RARB: variants seen among roughly 807,000 people sequenced by gnomAD.
RARB encodes retinoic acid receptor beta.
A neutral mutation model predicts 51.9 loss-of-function variants in RARB; 17 were observed. That is an observed-to-expected ratio of 0.33 (90% CI 0.22 to 0.49). The LOEUF (loss-of-function observed/expected upper bound fraction) is 0.49, where lower values mean the gene tolerates loss of function less well. RARB is among the 20% of genes least tolerant of loss of function. The pLI is 0.99. For missense variants in RARB, 369 were observed against 550.8 expected (o/e 0.67, Z 3.30); for synonymous variants, 215 against 195.4 (o/e 1.10, Z -0.84).
At chr3:24,862,856 T>A (rs1425451668) in intron 2 of RARB, among the ~76,000 whole-genome samples, 1 of 152,150 alleles carries the variant, frequency 6.6e-6, no homozygotes, top group Non-Finnish European at 1.5e-5. Context: ...ATCAACTAAA[T>A]TTATAGAGTG....
chr3:25,457,615 G>A (rs575910923), intron 1 of RARB, among the ~76,000 whole-genome samples: 5 of 152,132 alleles, frequency 3.3e-5, no homozygotes, highest in Non-Finnish European at 5.9e-5. Context: ...TAGACTTCCC[G>A]TTTTTTGTGT....
At position 25,405,093 on chromosome 3, in the gene RARB, G is replaced by A. The variant is rs190901748; in HGVS notation, c.179-56100G>A. On this transcript the variant is annotated intron_variant, in intron 5 of 11. Transcript: ENST00000383772. ...TGTCTCTGTTTGCTCCATGAGATGC[G>A]ATCCCTGAGAGGCCAAAGCTATTTT... Among the ~76,000 whole-genome samples, 86 of 152,236 alleles carry A rather than the reference G, an allele frequency of 5.6e-4. 1 individual carries two copies. The highest frequency in any genetic ancestry group is 5.6e-3 in the Admixed American group (86 of 15,264).
chr3:25,150,793 C>T (rs1212394548), intron 4 of RARB, among the ~76,000 whole-genome samples: 1 of 152,194 alleles, frequency 6.6e-6, no homozygotes, highest in African/African-American at 2.4e-5. Flanking sequence ...AGAATCCAGC[C>T]TTCTAGTAGT....
At chr3:24,925,655 T>TTTA (rs775570019) in intron 2 of RARB, among the ~76,000 whole-genome samples, 3 of 104,800 alleles carry the variant, frequency 2.9e-5, no homozygotes, top group African/African-American at 7.9e-5. Context: ...TTTTTTTTTT[T>TTTA]AAAAAAAAAA....
intron 3 of RARB, among the ~76,000 whole-genome samples, chr3:25,540,735 G>A (rs1699343122): frequency 6.6e-6 from 1 of 152,196 alleles, no homozygotes; most frequent in Non-Finnish European, 1.5e-5. Flanking sequence ...GAGTGAGAGA[G>A]AGATCATAAC....
At chr3:25,099,180 C>T (rs1699353780) in intron 3 of RARB, among the ~76,000 whole-genome samples, 1 of 152,148 alleles carries the variant, frequency 6.6e-6, no homozygotes, top group African/African-American at 2.4e-5. Flanking sequence ...TCCCAAAGCC[C>T]TTGGCTTTAA....
intron 2 of RARB, among the ~76,000 whole-genome samples, chr3:24,878,320 T>C (rs1450875756): frequency 2.0e-5 from 3 of 152,120 alleles, no homozygotes; most frequent in Non-Finnish European, 2.9e-5. Flanking sequence ...GATTTTGTTT[T>C]TGAAGTTTTC....
At chr3:25,424,044 G>T (rs1707925481), upstream of RARB, among the ~76,000 whole-genome samples, 1 of 152,230 alleles carries the variant, frequency 6.6e-6, no homozygotes. Flanking sequence ...TGTCTTGGGA[G>T]AACAATATTT....
At chr3:25,413,797 A>G (rs1707630506) in intron 5 of RARB, among the ~76,000 whole-genome samples, 1 of 152,194 alleles carries the variant, frequency 6.6e-6, no homozygotes, top group African/African-American at 2.4e-5. Flanking sequence ...TTGAGCTGCA[A>G]CACACTGGCA....
chr3:25,088,289 A>G (rs774316660), intron 3 of RARB, among the ~76,000 whole-genome samples: 3 of 152,100 alleles, frequency 2.0e-5, no homozygotes, highest in Non-Finnish European at 4.4e-5. Flanking sequence ...TCATAAATCA[A>G]CTAAACTTTA....
intron 5 of RARB, among the ~76,000 whole-genome samples, chr3:25,316,166 C>T (rs992650579): frequency 9.9e-5 from 15 of 152,178 alleles, no homozygotes; most frequent in African/African-American, 3.4e-4. Flanking sequence ...TTGTTAAGCC[C>T]ACAGGTTGAT....
intron 3 of RARB, among the ~76,000 whole-genome samples, chr3:25,088,784 A>G (rs955891650): frequency 1.2e-4 from 19 of 152,124 alleles, no homozygotes; most frequent in African/African-American, 4.6e-4. Flanking sequence ...AGTTATTAGT[A>G]TTGAAAAGCC....
chr3:25,292,370 C>T (rs1159395310), intron 5 of RARB, among the ~76,000 whole-genome samples: 1 of 152,102 alleles, frequency 6.6e-6, no homozygotes, highest in Admixed American at 6.6e-5. Context: ...GTGGGGCACA[C>T]ACAGCATTTT....
intron 2 of RARB, among the ~76,000 whole-genome samples, chr3:24,969,037 C>T (rs1696337835): frequency 6.6e-6 from 1 of 151,822 alleles, no homozygotes; most frequent in African/African-American, 2.4e-5. Flanking sequence ...CTGCTAGGCA[C>T]AGGATAGAAA....
At chr3:25,216,844 A>G (rs1701846088) in intron 5 of RARB, among the ~76,000 whole-genome samples, 1 of 151,796 alleles carries the variant, frequency 6.6e-6, no homozygotes, top group Non-Finnish European at 1.5e-5. Flanking sequence ...ATTGCAATTT[A>G]TTTGTTGAAG....
At chr3:25,342,452 C>T (rs577682999) in intron 5 of RARB, among the ~76,000 whole-genome samples, 2 of 152,206 alleles carry the variant, frequency 1.3e-5, no homozygotes, top group Non-Finnish European at 2.9e-5. Flanking sequence ...CTTTCCCATT[C>T]TCTCTTACAG....
chr3:25,518,574 G>C (rs753462779), intron 3 of RARB, among the ~76,000 whole-genome samples: 1 of 152,094 alleles, frequency 6.6e-6, no homozygotes, highest in Non-Finnish European at 1.5e-5. Context: ...TATGACCTTA[G>C]ACCCAAAAGA....
chr3:25,332,812 A>T (rs538149455), intron 5 of RARB, among the ~76,000 whole-genome samples: 2 of 152,246 alleles, frequency 1.3e-5, no homozygotes, highest in South Asian at 2.1e-4. Flanking sequence ...TAAGCTGTTA[A>T]GCAACTTCAG....
At chr3:25,027,427 A>G (rs192705945) in intron 2 of RARB, among the ~76,000 whole-genome samples, 216 of 152,190 alleles carry the variant, frequency 1.4e-3, no homozygotes, top group African/African-American at 5.0e-3. Context: ...CTTCCCCCCC[A>G]TATGATTTAT....
Sources: gnomAD v4.1 joint callset for allele counts (sites outside exome capture counted in the v4.1 genomes callset) on GRCh38, gnomAD v4.1.1 for gene constraint, MANE v1.5 for transcripts, NCBI Gene and HGNC (gene_info 2026-07-23, HGNC 2026-07-21) for gene names.